The following GET4 variants were observed in gnomAD, a reference collection of about 807,000 sequenced individuals.
GET4 encodes the protein Golgi to ER traffic protein 4 homolog.
GET4 carries 20 observed loss-of-function variants against 40.0 expected under a neutral mutation model. The observed-to-expected ratio is 0.50, with a 90% CI of 0.35 to 0.73. The LOEUF (loss-of-function observed/expected upper bound fraction) is 0.73, where lower values mean the gene tolerates loss of function less well. GET4 is among the 30% of genes least tolerant of loss of function. The pLI is 0.01. For synonymous variants in GET4, 280 were observed against 194.6 expected (o/e 1.44, Z -3.65); for missense variants, 557 against 454.0 (o/e 1.23, Z -2.06).
intron 1 of GET4, chr7:881,569 G>C (rs1844087877): frequency 6.6e-6 from 1 of 152,164 alleles, no homozygotes; most frequent in African/African-American, 2.4e-5. Context: ...TATCCCTTCA[G>C]CTGTCGGGTA....
At chr7:887,240 C>A in intron 3 of GET4, 130 bp from the exon 4 acceptor site, 1 of 943,718 alleles carries the variant, frequency 1.1e-6, no homozygotes, top group Non-Finnish European at 1.7e-6. Context: ...CCACGGCTCA[C>A]TCAGGGACGC....
intron 1 of GET4, chr7:881,473 A>G (rs1200714666): frequency 6.6e-6 from 1 of 152,060 alleles, no homozygotes; most frequent in African/African-American, 2.4e-5. Context: ...TTCATTCACC[A>G]CGGAGGCTGG....
intron 1 of GET4, chr7:877,761 C>T (rs10267276): frequency 0.23 from 12,001 of 51,476 alleles, 2,409 homozygotes; most frequent in East Asian, 0.34. Context: ...CTCCCTCCAC[C>T]TCTCCCTTGG....
intron 8 of GET4, 113 bp downstream of exon 8, chr7:894,084 T>G (rs1844411107): frequency 1.6e-6 from 1 of 609,724 alleles, no homozygotes; most frequent in Non-Finnish European, 2.8e-6. Context: ...TTTTCTGATC[T>G]TTTAAATGTT....
At chr7:884,567 C>A in intron 1 of GET4, 1 of 313,642 alleles carries the variant, frequency 3.2e-6, no homozygotes, top group Non-Finnish European at 6.3e-6. Flanking sequence ...GGGGGGAGGG[C>A]CTGTGTGCCA....
At chr7:884,005 G>A (rs1844137922) in intron 1 of GET4, 3 of 1,137,712 alleles carry the variant, frequency 2.6e-6, no homozygotes, top group African/African-American at 3.3e-5. Flanking sequence ...GTCCAAACCA[G>A]GCCGGGGGCC....
intron 8 of GET4, among the ~76,000 whole-genome samples, chr7:894,743 C>T (rs566850528): frequency 1.3e-4 from 20 of 152,362 alleles, no homozygotes; most frequent in East Asian, 9.6e-4. Context: ...GACACTGCCA[C>T]GGCCGTGTCT....
At chr7:894,525 G>A (rs368678218) in intron 8 of GET4, among the ~76,000 whole-genome samples, 1 of 152,164 alleles carries the variant, frequency 6.6e-6, no homozygotes, top group Admixed American at 6.5e-5. Context: ...GCTGCGTCCT[G>A]TGGCAGGCCC....
chr7:887,041 T>C (rs1585494861), intron 3 of GET4: 1 of 566,302 alleles, frequency 1.8e-6, no homozygotes. Flanking sequence ...CCACTCCTAG[T>C]CCCTGCTGCT....
At chr7:893,428 TGGGTGC>T in intron 6 of GET4, among the ~76,000 whole-genome samples, 1 of 121,874 alleles carries the variant, frequency 8.2e-6, no homozygotes. Context: ...AGGTGAGTGT[TGGGTGC>T]AGGCATGGTT....
At chr7:876,979 C>T (rs528988409) in intron 1 of GET4, among the ~76,000 whole-genome samples, 179 bp downstream of exon 1, 2 of 151,726 alleles carry the variant, frequency 1.3e-5, no homozygotes, top group Admixed American at 6.6e-5. Flanking sequence ...GGGTCTGGCC[C>T]TGTGTGGCCC....
At chr7:895,294 G>A (rs761087671) in intron 8 of GET4, 40 bp from the exon 9 acceptor site, 3 of 1,006,230 alleles carry the variant, frequency 3.0e-6, no homozygotes, top group African/African-American at 1.6e-5. Flanking sequence ...GCCTGTGGGA[G>A]GCTGCCCAGG....
rs544963423 is a variant in GET4, at chr7:895,468, G to C, written c.*46G>C. On this transcript the variant is annotated 3_prime_UTR_variant, in exon 9 of 9. Coordinates refer to ENST00000265857, the MANE Select transcript of GET4 (RefSeq NM_015949.3). Reference sequence around the variant, plus strand: ...ACACCACGGTCGACGACGGCTGGAGGGACGTTTCAGAGGCGAGTCCTGGGT... The same window carrying C: ...ACACCACGGTCGACGACGGCTGGAGCGACGTTTCAGAGGCGAGTCCTGGGT... The C allele has an allele frequency of 9.7e-7, 1 of 1,034,314 alleles. No homozygotes were observed. Among genetic ancestry groups the C allele is most frequent in the South Asian group, 1.3e-5 (1 of 74,758 alleles). 64.1% of individuals were successfully genotyped at this position (1,034,314 alleles called of 1,614,324 possible).
intron 1 of GET4, chr7:878,328 G>A: frequency 4.2e-6 from 2 of 471,164 alleles, no homozygotes. Context: ...CAGTTGTTCT[G>A]TGTGTGGCAT....
At chr7:883,948 C>G in intron 1 of GET4, 4 of 1,059,914 alleles carry the variant, frequency 3.8e-6, no homozygotes, top group Non-Finnish European at 4.6e-6. Context: ...TTCCCCTTGC[C>G]CGGCTCCCAG....
chr7:890,947 G>C lies in GET4; in HGVS notation c.486G>C (p.Ser162=), dbSNP rs563638738. Residue 162 remains serine, a synonymous_variant, in exon 5 of 9, where the codon TCG becomes TCC. Transcript: ENST00000265857. ...TLWKEQNYCE[S]RYHFLHSADG... ...TTGCAGAACAAAACTATTGTGAGTC[G>C]AGGTATCATTTTCTGCACTCAGCGG... 19 of 1,606,768 alleles carry C rather than the reference G, an allele frequency of 1.2e-5. No individual in the cohort carries two copies. The highest frequency in any genetic ancestry group is 1.5e-5 in the Non-Finnish European group (18 of 1,173,690).
intron 3 of GET4, 175 bp from the exon 4 acceptor site, chr7:887,195 C>T (rs778724039): frequency 1.2e-5 from 9 of 777,228 alleles, no homozygotes; most frequent in South Asian, 4.1e-5. Flanking sequence ...GGGCACATGG[C>T]GCTGGAACTG....
At chr7:883,460 T>C in intron 1 of GET4, 2 of 968,050 alleles carry the variant, frequency 2.1e-6, no homozygotes, top group South Asian at 4.8e-5. Context: ...TGCGTTTCTG[T>C]GTTCTGCTTT....
At chr7:878,663 C>T (rs1350439572) in intron 1 of GET4, among the ~76,000 whole-genome samples, 2 of 151,300 alleles carry the variant, frequency 1.3e-5, no homozygotes. Flanking sequence ...ACTGCAACCT[C>T]CACCTCCCGA....
Sources: allele counts gnomAD v4.1 joint callset (sites outside exome capture counted in the v4.1 genomes callset), GRCh38; gene constraint gnomAD v4.1.1; transcripts MANE v1.5; gene names NCBI Gene and HGNC (gene_info 2026-07-23, HGNC 2026-07-21).